CRTC3: variants seen among roughly 807,000 people sequenced by gnomAD.
CRTC3 encodes CREB-regulated transcription coactivator 3.
CRTC3 carries 26 observed loss-of-function variants against 74.5 expected under a neutral mutation model. That is an observed-to-expected ratio of 0.35 (90% CI 0.26 to 0.48). The LOEUF (loss-of-function observed/expected upper bound fraction) is 0.48, where lower values mean the gene tolerates loss of function less well. CRTC3 is among the 20% of genes least tolerant of loss of function. CRTC3 has a pLI of 0.99. For missense variants in CRTC3, 760 were observed against 787.3 expected (o/e 0.97, Z 0.41); for synonymous variants, 377 against 325.8 (o/e 1.16, Z -1.69).
rs143546174 is a variant in CRTC3, at chr15:90,593,891, G to A, written c.351+136G>A. On this transcript the variant is annotated intron_variant, in intron 3 of 14. Transcript: ENST00000268184. ...ATGAAAGGAGGCAATACAAATAAATGAGTTGGAAACTAGAAACATCTCTGC... is the reference window on the plus strand; with the variant it reads ...ATGAAAGGAGGCAATACAAATAAATAAGTTGGAAACTAGAAACATCTCTGC... The A allele has an allele frequency of 3.5e-4, 303 of 859,152 alleles. No individual in the cohort carries two copies. In the African/African-American group the frequency reaches 3.7e-3, roughly 11 times the overall value. 53.2% of individuals were successfully genotyped at this position (859,152 alleles called of 1,614,324 possible).
chr15:90,548,183 C>G (rs1966847980), intron 2 of CRTC3, among the ~76,000 whole-genome samples: 1 of 152,198 alleles, frequency 6.6e-6, no homozygotes, highest in African/African-American at 2.4e-5. Flanking sequence ...GCCACCACTC[C>G]CAGCCTCGTA....
intron 2 of CRTC3, among the ~76,000 whole-genome samples, chr15:90,552,410 C>A (rs535232102): frequency 6.6e-6 from 1 of 152,308 alleles, no homozygotes; most frequent in Admixed American, 6.5e-5. Context: ...CTTCTTGTGT[C>A]ATCTAATGGT....
In CRTC3 at chr15:90,629,507, C is replaced by T. The variant is rs957275584; in HGVS notation, c.1241C>T (p.Pro414Leu). ...GFSRQLSSTS[P>L]LAPYPTSQMV... ...AGCAGACAGCTGTCTTCAACCAGCC[C>T]ACTGGCCCCATATCCTACCTCCCAG... is the stretch of plus-strand genomic sequence containing the variant. The change falls in exon 11 of 15, where the codon CCA becomes CTA. Residue 414 changes from proline (P) to leucine (L), a missense_variant. By Grantham distance (98) the Pro-to-Leu change is moderately conservative (BLOSUM62 -3). Coordinates refer to ENST00000268184, the MANE Select transcript of CRTC3 (RefSeq NM_022769.5). The T allele has an allele frequency of 6.2e-7, 1 of 1,614,102 alleles. No individual in the cohort carries two copies. Among genetic ancestry groups the T allele is most frequent in the Admixed American group, 1.7e-5 (1 of 60,010 alleles).
intron 13 of CRTC3, 33 bp from the exon 14 acceptor site, chr15:90,641,064 T>G: frequency 8.6e-6 from 12 of 1,394,562 alleles, no homozygotes; most frequent in Non-Finnish European, 1.2e-5. Context: ...AACAGAGGTG[T>G]GGCCTTCCTC....
intron 2 of CRTC3, among the ~76,000 whole-genome samples, chr15:90,554,886 G>A (rs1945393601): frequency 6.6e-6 from 1 of 152,102 alleles, no homozygotes; most frequent in Admixed American, 6.5e-5. Context: ...CCAATGGTTG[G>A]GAATTATTTT....
At chr15:90,579,848 G>T (rs1167963384) in intron 2 of CRTC3, among the ~76,000 whole-genome samples, 1 of 151,882 alleles carries the variant, frequency 6.6e-6, no homozygotes, top group Admixed American at 6.6e-5. Flanking sequence ...TACCATGTTT[G>T]CCAGGCTGGT....
At chr15:90,605,107 A>AC (rs1050279525) in intron 5 of CRTC3, among the ~76,000 whole-genome samples, 1 of 151,948 alleles carries the variant, frequency 6.6e-6, no homozygotes, top group African/African-American at 2.4e-5. Flanking sequence ...TGAAAAAAAA[A>AC]AAGGCGTGGT....
intron 2 of CRTC3, among the ~76,000 whole-genome samples, chr15:90,587,226 C>T (rs1421361276): frequency 4.6e-5 from 7 of 152,190 alleles, no homozygotes; most frequent in East Asian, 1.9e-4. Context: ...TGCACCTACA[C>T]GTAACTGATA....
intron 2 of CRTC3, among the ~76,000 whole-genome samples, chr15:90,540,957 G>C (rs1400668175): frequency 6.6e-6 from 1 of 152,118 alleles, no homozygotes; most frequent in Non-Finnish European, 1.5e-5. Context: ...CATTTCACTA[G>C]TTTCATGTGG....
chr15:90,631,851 G>A (rs1389823641), intron 11 of CRTC3, among the ~76,000 whole-genome samples: 1 of 152,036 alleles, frequency 6.6e-6, no homozygotes, highest in South Asian at 2.1e-4. Flanking sequence ...CAAAGGGCTG[G>A]AATTAGCCAG....
At position 90,596,583 on chromosome 15, in the gene CRTC3, C is replaced by T. The variant is rs151258584; in HGVS notation, c.351+2828C>T. 1,279 of 152,078 alleles carry T rather than the reference C, an allele frequency of 8.4e-3. 12 individuals carry two copies. Among genetic ancestry groups the T allele is most frequent in the Middle Eastern group, 0.044 (13 of 294 alleles). The allele number at this position is 152,078 out of a possible 1,614,324, so 9.4% of individuals were successfully genotyped here. On this transcript the variant is annotated intron_variant, in intron 3 of 14. Coordinates refer to ENST00000268184, the MANE Select transcript of CRTC3 (RefSeq NM_022769.5). ...AAATTGGGTTCCTGGGACTGGACAT[C>T]GGTTGATGCAAAGAAAGTTCTTTAG...
chr15:90,617,753 A>G (rs1968530925), intron 7 of CRTC3, 130 bp from the exon 8 acceptor site: 5 of 608,712 alleles, frequency 8.2e-6, no homozygotes, highest in South Asian at 5.4e-5. Context: ...CTTGTCTCAA[A>G]CTCCTGGGCT....
intron 11 of CRTC3, chr15:90,635,124 CT>C (rs1555454157): frequency 1.6e-6 from 1 of 633,240 alleles, no homozygotes; most frequent in African/African-American, 1.9e-5. Flanking sequence ...TTCCATATTT[CT>C]TATAATAAAC....
intron 11 of CRTC3, among the ~76,000 whole-genome samples, chr15:90,630,804 T>C (rs555122509): frequency 1.5e-4 from 2 of 12,998 alleles, no homozygotes; most frequent in African/African-American, 2.9e-4. Flanking sequence ...GGAGTCTCGC[T>C]CTGTCGCCCA....
intron 6 of CRTC3, among the ~76,000 whole-genome samples, chr15:90,609,766 A>G (rs1968315170): frequency 6.6e-6 from 1 of 152,260 alleles, no homozygotes; most frequent in African/African-American, 2.4e-5. Flanking sequence ...TAAGAAAAGC[A>G]AAGGAATGTA....
rs150020951 is a variant in CRTC3 at position 90,562,914 on chromosome 15, C to T, written c.231+22777C>T. On this transcript the variant is annotated intron_variant, in intron 2 of 14. Transcript: ENST00000268184. ...GTGGGCCAACAGGAGCAGACCAGGC[C>T]ACACAGGCTGTGACTCCCCCTTGCA... is the stretch of plus-strand genomic sequence containing the variant. Among the ~76,000 whole-genome samples, 285 of 152,208 alleles carry T rather than the reference C, an allele frequency of 1.9e-3. 1 individual carries two copies. Among genetic ancestry groups the T allele is most frequent in the African/African-American group, 6.5e-3 (268 of 41,540 alleles).
intron 12 of CRTC3, 35 bp from the exon 13 acceptor site, chr15:90,638,700 T>TCCAA: frequency 6.2e-7 from 1 of 1,612,810 alleles, no homozygotes; most frequent in Non-Finnish European, 8.5e-7. Context: ...TGCTCTGAGT[T>TCCAA]CCAAGCTAAA....
chr15:90,607,420 C>G lies in CRTC3; in HGVS notation c.519C>G (p.Thr173=). 6.2e-7 allele frequency: 1 copy of G among 1,613,500 alleles called. No homozygotes were observed. The highest frequency in any genetic ancestry group is 1.1e-5 in the South Asian group (1 of 90,908). Residue 173 remains threonine (T), a synonymous_variant, in exon 6 of 15, where the codon ACC becomes ACG. Transcript: ENST00000268184. The stretch of plus-strand genomic sequence containing the variant: ...CTCTTCACACGAGTGCTCTGAGTAC[C>G]AAGCCCCAGGACCCCTATGGAGGAG... ...DSALHTSALS[T]KPQDPYGGGG...
chr15:90,608,469 G>A (rs1968282953), intron 6 of CRTC3, among the ~76,000 whole-genome samples: 3 of 152,050 alleles, frequency 2.0e-5, no homozygotes, highest in Admixed American at 2.0e-4. Flanking sequence ...TCTCACTCCT[G>A]GCCAGCACCC....
Sources: allele counts gnomAD v4.1 joint callset (sites outside exome capture counted in the v4.1 genomes callset), GRCh38; gene constraint gnomAD v4.1.1; transcripts MANE v1.5; gene names NCBI Gene and HGNC (gene_info 2026-07-23, HGNC 2026-07-21).